The following ITGA3 variants were observed in gnomAD, a reference collection of about 807,000 sequenced individuals.
ITGA3 encodes integrin alpha-3.
ITGA3 carries 70 observed loss-of-function variants against 131.1 expected under a neutral mutation model. The observed-to-expected ratio is 0.53, with a 90% confidence interval of 0.44 to 0.65. ITGA3 has a LOEUF of 0.65. ITGA3 is among the 30% of genes least tolerant of loss of function. The pLI is 0.00. For missense variants in ITGA3, 1,098 were observed against 1,388.6 expected, an observed-to-expected ratio of 0.79 and a Z score of 3.33; for synonymous variants, 537 against 571.6, an observed-to-expected ratio of 0.94 and a Z score of 0.86.
chr17:50,074,628 C>T (rs1908797466), intron 10 of ITGA3, 94 bp downstream of exon 10: 1 of 845,434 alleles, frequency 1.2e-6, no homozygotes, highest in Admixed American at 2.3e-5. Flanking sequence ...TCCTGACATC[C>T]CACCTTTAGA....
chr17:50,064,058 C>A lies in ITGA3; in HGVS notation c.207-19C>A, dbSNP rs1908210137. The A allele has an allele frequency of 1.9e-6, 3 of 1,611,724 alleles. No homozygotes were observed. The highest frequency in any genetic ancestry group is 2.5e-6 in the Non-Finnish European group (3 of 1,179,296). On this transcript the variant is annotated intron_variant, in intron 1 of 25. Transcript: ENST00000320031. This position sits in a 1 kb window ranked among gnomAD's most constrained non-coding sequence, Gnocchi z 4.4. ...CTTGGGGAGTCTGAACCCGGACCCACCTCCGTCCCTATCCCCAGGCTCCTG... is the reference window on the plus strand; with the variant it reads ...CTTGGGGAGTCTGAACCCGGACCCAACTCCGTCCCTATCCCCAGGCTCCTG...
chr17:50,081,148 G>A (rs1403456964), intron 22 of ITGA3, 162 bp from the exon 23 acceptor site: 4 of 588,660 alleles, frequency 6.8e-6, no homozygotes, highest in Non-Finnish European at 1.2e-5. Flanking sequence ...AATGAATGAT[G>A]CGCATTTGTG....
intron 7 of ITGA3, 89 bp from the exon 8 acceptor site, chr17:50,073,827 G>A: frequency 1.1e-6 from 1 of 917,314 alleles, no homozygotes; most frequent in African/African-American, 1.6e-5. Context: ...GATCAGTTCT[G>A]TGCTGGGCTG....
chr17:50,083,360 T>C (rs1216818909), intron 23 of ITGA3, among the ~76,000 whole-genome samples: 10 of 152,116 alleles, frequency 6.6e-5, no homozygotes, highest in Non-Finnish European at 8.8e-5. Flanking sequence ...AACCCAGAAG[T>C]CACAGGAAAA....
In ITGA3 at chr17:50,089,469, C is replaced by T. The variant is rs891910478; in HGVS notation, c.*391C>T. ...AGGGCCAGCGCTGTGGACCTTACAA[C>T]GCCGAGTGCACTGCATTCCTGTGCC... On this transcript the variant is annotated 3_prime_UTR_variant, in exon 26 of 26. Transcript: ENST00000320031. 25 of 586,034 alleles carry T rather than the reference C, an allele frequency of 4.3e-5. No homozygotes were observed. The highest frequency in any genetic ancestry group is 1.9e-4 in the African/African-American group (10 of 53,578). The allele number at this position is 586,034 out of a possible 1,614,324, so 36.3% of individuals were successfully genotyped here.
chr17:50,087,961 CT>C, intron 24 of ITGA3, 92 bp downstream of exon 24: 2 of 1,444,674 alleles, frequency 1.4e-6, no homozygotes. Context: ...CTGGTCCTCC[CT>C]TCCATCTCAC....
chr17:50,088,276 C>A lies in ITGA3; in HGVS notation c.3097C>A (p.Gln1033Lys). Residue 1033 changes from glutamine (Q) to lysine (K), a missense_variant, in exon 25 of 26, where the codon CAG becomes AAG. Gln to Lys is a moderately conservative substitution (Grantham distance 53). This residue lies in a region of ITGA3 where 699 missense variants were observed against 829.2 expected (regional missense o/e 0.84). Transcript: ENST00000320031. Reference protein sequence around the residue: ...RTRALYEAKRQKAEMKSQPSE... With the variant: ...RTRALYEAKRKKAEMKSQPSE... ...TCGCGCCCTGTATGAAGCTAAGAGG[C>A]AGAAGGCGGAGATGAAGAGCCAGCC... The A allele has an allele frequency of 6.3e-7, 1 of 1,590,148 alleles. No individual in the cohort carries two copies. The highest frequency in any genetic ancestry group is 8.6e-7 in the Non-Finnish European group (1 of 1,168,568).
intron 23 of ITGA3, among the ~76,000 whole-genome samples, chr17:50,085,528 G>A (rs1485549615): frequency 6.6e-6 from 1 of 151,676 alleles, no homozygotes; most frequent in African/African-American, 2.4e-5. Context: ...GCTGGTTGTG[G>A]TGGTGGGCAC....
At chr17:50,072,265 C>T (rs1276124885) in intron 7 of ITGA3, 83 bp downstream of exon 7, 11 of 1,298,596 alleles carry the variant, frequency 8.5e-6, no homozygotes, top group Non-Finnish European at 1.2e-5. Context: ...ACCAGCTGCA[C>T]ATCAGGCTTG....
intron 19 of ITGA3, 34 bp downstream of exon 19, chr17:50,078,960 T>G: frequency 6.5e-7 from 1 of 1,533,712 alleles, no homozygotes; most frequent in East Asian, 2.2e-5. Context: ...GGCTGGGGAC[T>G]TCTAGGAAGG....
chr17:50,061,593 C>T (rs1251194487), intron 1 of ITGA3, among the ~76,000 whole-genome samples: 1 of 152,152 alleles, frequency 6.6e-6, no homozygotes, highest in Non-Finnish European at 1.5e-5. Context: ...TAGAGTGACT[C>T]TAGCTGCCAG....
chr17:50,088,341 C>G lies in ITGA3; in HGVS notation c.*6C>G. On this transcript the variant is annotated 3_prime_UTR_variant, in exon 25 of 26. Coordinates refer to ENST00000320031, the MANE Select transcript of ITGA3 (RefSeq NM_002204.4). ...GGCTGACCGACGACTACTGAGGGGG[C>G]AGCCCCCCGCCCCCGGCCCACCTGG... The G allele has an allele frequency of 6.4e-7, 1 of 1,560,128 alleles. No individual in the cohort carries two copies. The highest frequency in any genetic ancestry group is 1.4e-5 in the African/African-American group (1 of 73,722).
In ITGA3 at chr17:50,064,960, G is replaced by A. The variant is rs1463856598; in HGVS notation, c.414+353G>A. 3 of 186,954 alleles carry A rather than the reference G, an allele frequency of 1.6e-5. No individual in the cohort carries two copies. The highest frequency in any genetic ancestry group is 1.4e-4 in the South Asian group (1 of 6,928). The allele number at this position is 186,954 out of a possible 1,614,324, so 11.6% of individuals were successfully genotyped here. A position where few individuals can be genotyped will look rare whatever the true frequency, so the allele number is the denominator to read the frequency against. On this transcript the variant is annotated intron_variant, in intron 3 of 25. Coordinates refer to ENST00000320031, the MANE Select transcript of ITGA3 (RefSeq NM_002204.4). This position sits in a 1 kb window ranked among gnomAD's most constrained non-coding sequence, Gnocchi z 4.4. ...CCCAGGCAGCTCAGCGCTGGCTGGC[G>A]CTCCTTCCTGGGAGGCTGACTGCCG...
chr17:50,085,869 C>T (rs1334874655), intron 23 of ITGA3, among the ~76,000 whole-genome samples: 1 of 129,144 alleles, frequency 7.7e-6, no homozygotes, highest in African/African-American at 2.9e-5. Flanking sequence ...TTAGATTATA[C>T]ATTATAGATT....
chr17:50,087,991 T>C, intron 24 of ITGA3, 122 bp downstream of exon 24: 1 of 1,367,552 alleles, frequency 7.3e-7, no homozygotes. Flanking sequence ...TTCCTCCCTG[T>C]CCTCTCCACC....
intron 5 of ITGA3, 48 bp downstream of exon 5, chr17:50,070,978 T>C (rs1246960459): frequency 8.3e-7 from 1 of 1,210,848 alleles, no homozygotes; most frequent in Admixed American, 1.7e-5. Flanking sequence ...GGAAGGGGGC[T>C]TAGTCCCTGG....
Position 50,077,007 on chromosome 17 carries a change from C to T in ITGA3, c.1956C>T (p.Leu652=), listed in dbSNP as rs1908941154. The change falls in exon 15 of 26, where the codon CTC becomes CTT. Residue 652 remains leucine (L), a synonymous_variant. Coordinates refer to ENST00000320031, the MANE Select transcript of ITGA3 (RefSeq NM_002204.4). ...LQYSRDVRKL[L]LSINVTNTRT... is the part of the protein sequence containing the mutation. ...ACAGCAGAGACGTCCGGAAATTGCT[C>T]CTGAGCATCAACGTGACGAACACCC... The T allele has an allele frequency of 6.2e-7, 1 of 1,611,442 alleles. No homozygotes were observed. The highest frequency in any genetic ancestry group is 8.5e-7 in the Non-Finnish European group (1 of 1,178,506).
intron 1 of ITGA3, among the ~76,000 whole-genome samples, chr17:50,061,731 C>A (rs1908090086): frequency 6.6e-6 from 1 of 152,200 alleles, no homozygotes; most frequent in Non-Finnish European, 1.5e-5. Flanking sequence ...GGTTCCCTAA[C>A]ATGCCAGGGC....
intron 15 of ITGA3, 70 bp downstream of exon 15, chr17:50,077,191 C>A (rs1478535794): frequency 2.1e-6 from 3 of 1,461,458 alleles, no homozygotes; most frequent in Non-Finnish European, 2.8e-6. Context: ...ATATCCATGT[C>A]CTGTGCAGGT....
Sources: gnomAD v4.1 joint callset for allele counts (sites outside exome capture counted in the v4.1 genomes callset) on GRCh38, gnomAD v4.1.1 for gene constraint, gnomAD v4.1.1 regional missense constraint, Gnocchi (gnomAD v3.1) non-coding constraint, MANE v1.5 for transcripts, NCBI Gene and HGNC (gene_info 2026-07-23, HGNC 2026-07-21) for gene names.